Variants in CERS6 observed in about 807,000 individuals in gnomAD.
The protein encoded by CERS6 is ceramide synthase 6.
In CERS6, 26 loss-of-function variants were observed where a neutral mutation model predicts 56.8. That is an observed-to-expected ratio of 0.46 (90% CI 0.34 to 0.63). The LOEUF is 0.63. Ranked by LOEUF, CERS6 falls within the 30% of genes least tolerant of loss-of-function variation. CERS6 has a pLI of 0.01. For missense variants in CERS6, 415 were observed against 467.5 expected (o/e 0.89, Z 1.04); for synonymous variants, 164 against 173.3 (o/e 0.95, Z 0.42).
intron 2 of CERS6, among the ~76,000 whole-genome samples, chr2:168,549,047 A>G (rs1695517590): frequency 6.6e-6 from 1 of 152,174 alleles, no homozygotes; most frequent in South Asian, 2.1e-4. Context: ...TTCCCTCTTA[A>G]AAAAGCAGGT....
intron 4 of CERS6, among the ~76,000 whole-genome samples, chr2:168,672,543 G>A (rs1685948041): frequency 6.6e-6 from 1 of 152,222 alleles, no homozygotes; most frequent in Non-Finnish European, 1.5e-5. Flanking sequence ...CTACTTCATA[G>A]ATATAGGTTG....
chr2:168,752,761 T>A (rs965720169), intron 8 of CERS6, among the ~76,000 whole-genome samples: 9 of 152,248 alleles, frequency 5.9e-5, no homozygotes, highest in Admixed American at 3.3e-4. Flanking sequence ...TTTGATCTCA[T>A]AAATATAGCA....
At chr2:168,607,823 G>A (rs1684089509) in intron 3 of CERS6, among the ~76,000 whole-genome samples, 1 of 152,212 alleles carries the variant, frequency 6.6e-6, no homozygotes, top group Admixed American at 6.5e-5. Flanking sequence ...AAAGAGAAGA[G>A]AATTACAAAA....
At chr2:168,488,543 G>C (rs868018305) in intron 1 of CERS6, among the ~76,000 whole-genome samples, 1 of 151,860 alleles carries the variant, frequency 6.6e-6, no homozygotes, top group Non-Finnish European at 1.5e-5. Context: ...GATCATTTTT[G>C]TTTAATATAG....
At chr2:168,506,885 TATA>T (rs1306821703) in intron 1 of CERS6, among the ~76,000 whole-genome samples, 1 of 152,222 alleles carries the variant, frequency 6.6e-6, no homozygotes, top group African/African-American at 2.4e-5. Flanking sequence ...TGGCATAGGT[TATA>T]ATAATATATA....
intron 4 of CERS6, among the ~76,000 whole-genome samples, chr2:168,655,096 CAA>C (rs1443860127): frequency 6.6e-6 from 1 of 151,946 alleles, no homozygotes; most frequent in Non-Finnish European, 1.5e-5. Flanking sequence ...GACATTTATC[CAA>C]AGAAGACATA....
chr2:168,664,064 G>A (rs758949170), intron 4 of CERS6, among the ~76,000 whole-genome samples: 3 of 152,262 alleles, frequency 2.0e-5, no homozygotes, highest in South Asian at 2.1e-4. Context: ...ATTGTGTTTC[G>A]CCCTTCTGAA....
chr2:168,749,175 G>A lies in CERS6; in HGVS notation c.846-16417G>A, dbSNP rs550281300. ...GCAGCTATTAAGCTCTAAATATCAG[G>A]CATCTTGACAAAGACAGCTCCAAAC... is the stretch of plus-strand genomic sequence containing the variant. On this transcript the variant is annotated intron_variant, in intron 8 of 9. Transcript: ENST00000305747. Among the ~76,000 whole-genome samples the A allele has an allele frequency of 3.3e-5, 5 of 152,192 alleles. No individual in the cohort carries two copies. The South Asian group carries it at 6.2e-4, about 19-fold the overall frequency.
intron 4 of CERS6, among the ~76,000 whole-genome samples, chr2:168,650,548 C>T (rs1317656457): frequency 6.6e-6 from 1 of 152,168 alleles, no homozygotes; most frequent in Non-Finnish European, 1.5e-5. Context: ...TAAATTACTA[C>T]CAAATTAATT....
intron 2 of CERS6, among the ~76,000 whole-genome samples, chr2:168,559,398 C>G (rs982429939): frequency 8.5e-5 from 13 of 152,156 alleles, no homozygotes; most frequent in Admixed American, 1.3e-4. Context: ...GTTCTGGATG[C>G]TGGAAGTCTG....
At chr2:168,459,969 G>A (rs956658431) in intron 1 of CERS6, among the ~76,000 whole-genome samples, 1 of 152,184 alleles carries the variant, frequency 6.6e-6, no homozygotes, top group Non-Finnish European at 1.5e-5. Flanking sequence ...GAGAGATGCA[G>A]GAAGTATAGA....
At chr2:168,578,468 A>T (rs919689432) in intron 3 of CERS6, among the ~76,000 whole-genome samples, 4 of 152,208 alleles carry the variant, frequency 2.6e-5, no homozygotes, top group African/African-American at 9.6e-5. Context: ...CATACTGAAG[A>T]TGCTTAAGCT....
At chr2:168,741,584 A>G (rs1465687906) in intron 8 of CERS6, among the ~76,000 whole-genome samples, 1 of 152,166 alleles carries the variant, frequency 6.6e-6, no homozygotes, top group Non-Finnish European at 1.5e-5. Context: ...GCTGCATTCA[A>G]AGCAGCCCGT....
chr2:168,677,178 C>A (rs1266941070), intron 4 of CERS6, among the ~76,000 whole-genome samples: 3 of 151,938 alleles, frequency 2.0e-5, no homozygotes, highest in African/African-American at 7.3e-5. Flanking sequence ...TTCTCCCCCA[C>A]CCCCCAACAG....
At chr2:168,493,842 A>G (rs1230589362) in intron 1 of CERS6, among the ~76,000 whole-genome samples, 1 of 148,780 alleles carries the variant, frequency 6.7e-6, no homozygotes, top group Non-Finnish European at 1.5e-5. Flanking sequence ...TTAATATAAT[A>G]TACATTAATA....
intron 4 of CERS6, among the ~76,000 whole-genome samples, chr2:168,652,844 G>A (rs747508157): frequency 6.6e-6 from 1 of 152,110 alleles, no homozygotes; most frequent in South Asian, 2.1e-4. Flanking sequence ...GCACAGACAC[G>A]TGCTCTTTCA....
At chr2:168,500,451 A>G (rs1414456621) in intron 1 of CERS6, among the ~76,000 whole-genome samples, 1 of 152,226 alleles carries the variant, frequency 6.6e-6, no homozygotes, top group Non-Finnish European at 1.5e-5. Context: ...GATATTATTA[A>G]TGGCAGATGT....
intron 8 of CERS6, among the ~76,000 whole-genome samples, chr2:168,743,360 G>T (rs1683985081): frequency 6.6e-6 from 1 of 151,970 alleles, no homozygotes; most frequent in African/African-American, 2.4e-5. Flanking sequence ...GTTTGGCTGG[G>T]CGCAGTGCTC....
Position 168,509,855 on chromosome 2 carries a change from G to A in CERS6, c.171-37741G>A, listed in dbSNP as rs1032344053. 2.0e-5 allele frequency among the ~76,000 whole-genome samples: 3 copies of A among 152,132 alleles called. No individual in the cohort carries two copies. In the East Asian group the frequency reaches 5.8e-4, roughly 29 times the overall value. On this transcript the variant is annotated intron_variant, in intron 1 of 9. Coordinates refer to ENST00000305747, the MANE Select transcript of CERS6 (RefSeq NM_203463.3). ...GCAGGAGGATGACTTGAGGCTAGGAGTTTGAGACGAGCCTGATCAACACAG... is the reference window on the plus strand; with the variant it reads ...GCAGGAGGATGACTTGAGGCTAGGAATTTGAGACGAGCCTGATCAACACAG...
Sources: gnomAD v4.1 joint callset for allele counts (sites outside exome capture counted in the v4.1 genomes callset) on GRCh38, gnomAD v4.1.1 for gene constraint, MANE v1.5 for transcripts, NCBI Gene and HGNC (gene_info 2026-07-23, HGNC 2026-07-21) for gene names.